DPP10: variants seen among roughly 807,000 people sequenced by gnomAD.
DPP10 encodes dipeptidyl peptidase like 10.
A neutral mutation model predicts 120.9 loss-of-function variants in DPP10; 33 were observed. The observed-to-expected ratio is 0.27, with a 90% CI of 0.21 to 0.37. The LOEUF is 0.37. DPP10 is among the 10% of genes least tolerant of loss of function. DPP10 has a pLI of 1.00. For missense variants in DPP10, 816 were observed against 942.8 expected, an observed-to-expected ratio of 0.87 and a Z score of 1.76; for synonymous variants, 337 against 326.1, an observed-to-expected ratio of 1.03 and a Z score of -0.36.
intron 1 of DPP10, among the ~76,000 whole-genome samples, chr2:115,026,877 T>C (rs1703502074): frequency 6.6e-6 from 1 of 152,210 alleles, no homozygotes; most frequent in African/African-American, 2.4e-5. Flanking sequence ...GGTATTTTGA[T>C]AGAGATTACA....
chr2:115,295,613 T>C (rs1320681518), intron 1 of DPP10, among the ~76,000 whole-genome samples: 1 of 152,120 alleles, frequency 6.6e-6, no homozygotes, highest in Non-Finnish European at 1.5e-5. Flanking sequence ...TAAATGCCTA[T>C]ATGGTACTTA....
intron 1 of DPP10, among the ~76,000 whole-genome samples, chr2:114,513,950 T>A (rs981890588): frequency 2.0e-5 from 3 of 152,182 alleles, no homozygotes; most frequent in Non-Finnish European, 4.4e-5. Flanking sequence ...TTAAGTAAAA[T>A]TGACTCTAAG....
At chr2:114,517,521 CAAAA>C (rs70937285) in intron 1 of DPP10, among the ~76,000 whole-genome samples, 2 of 123,936 alleles carry the variant, frequency 1.6e-5, no homozygotes, top group Non-Finnish European at 3.5e-5. Context: ...GACTCCGTCT[CAAAA>C]AAAAAAAAAA....
At chr2:115,193,913 T>C (rs1299773794) in intron 1 of DPP10, among the ~76,000 whole-genome samples, 1 of 152,192 alleles carries the variant, frequency 6.6e-6, no homozygotes, top group Non-Finnish European at 1.5e-5. Context: ...TGTATGGTAA[T>C]TAATTAAATC....
chr2:115,815,555 A>G, intron 20 of DPP10, 120 bp from the exon 21 acceptor site: 1 of 850,266 alleles, frequency 1.2e-6, no homozygotes. Context: ...GAACAGAGCT[A>G]CAGTTAGTAA....
intron 3 of DPP10, among the ~76,000 whole-genome samples, chr2:115,392,443 ATTT>A (rs935505478): frequency 2.7e-5 from 4 of 145,748 alleles, no homozygotes; most frequent in African/African-American, 9.8e-5. Flanking sequence ...TTACTTTTTC[ATTT>A]TTTAATTCTT....
chr2:115,698,353 G>T (rs1219350892), intron 7 of DPP10, among the ~76,000 whole-genome samples: 2 of 152,192 alleles, frequency 1.3e-5, no homozygotes, highest in Non-Finnish European at 2.9e-5. Context: ...ATGAGATGCA[G>T]CAAAAACAGT....
chr2:114,994,666 A>G (rs1700964253), intron 1 of DPP10, among the ~76,000 whole-genome samples: 1 of 152,154 alleles, frequency 6.6e-6, no homozygotes. Flanking sequence ...GCTGTCCTAG[A>G]GTTCTACTTA....
chr2:114,961,477 G>A (rs973869412), intron 1 of DPP10, among the ~76,000 whole-genome samples: 30 of 151,562 alleles, frequency 2.0e-4, no homozygotes, highest in Admixed American at 1.2e-3. Flanking sequence ...GTGTGCGCGC[G>A]CACATTTCAG....
chr2:114,817,867 A>C (rs2106345631), intron 1 of DPP10, among the ~76,000 whole-genome samples: 1 of 152,336 alleles, frequency 6.6e-6, no homozygotes, highest in Admixed American at 6.5e-5. Context: ...AGGGATTAAA[A>C]AAGCTTTTAG....
intron 2 of DPP10, among the ~76,000 whole-genome samples, chr2:115,332,080 T>G (rs1168062062): frequency 6.6e-6 from 1 of 152,136 alleles, no homozygotes; most frequent in Non-Finnish European, 1.5e-5. Flanking sequence ...GGTAAGCTAT[T>G]GATTATTGCC....
chr2:115,771,629 A>C (rs1471924894), intron 13 of DPP10, among the ~76,000 whole-genome samples: 2 of 152,020 alleles, frequency 1.3e-5, no homozygotes, highest in African/African-American at 4.8e-5. Flanking sequence ...ACAGTAATGC[A>C]TGCCAGCATT....
rs972756348 is a variant in DPP10, at chr2:115,803,841, T to C, written c.1701-10952T>C. On this transcript the variant is annotated intron_variant, in intron 19 of 25. Coordinates refer to ENST00000410059, the MANE Select transcript of DPP10 (RefSeq NM_020868.6). ...GCTTCCCTTTGTGGGTAACCCGACC[T>C]TTCTCTCTGGCTGCCCTTAACATTT... 4.4e-3 allele frequency among the ~76,000 whole-genome samples: 663 copies of C among 152,210 alleles called. 9 individuals carry two copies. Among genetic ancestry groups the C allele is most frequent in the African/African-American group, 0.015 (624 of 41,466 alleles).
intron 1 of DPP10, among the ~76,000 whole-genome samples, chr2:115,073,410 G>A (rs545032799): frequency 1.4e-4 from 21 of 152,324 alleles, no homozygotes; most frequent in Admixed American, 3.9e-4. Flanking sequence ...GTCGCTAGGC[G>A]CAGGGGGTGG....
chr2:115,422,415 A>C (rs1457878369), intron 3 of DPP10, among the ~76,000 whole-genome samples: 2 of 152,296 alleles, frequency 1.3e-5, no homozygotes, highest in East Asian at 1.9e-4. Context: ...CTGTGTGGCT[A>C]TGCCAGTAGC....
intron 1 of DPP10, among the ~76,000 whole-genome samples, chr2:114,497,062 T>TACACATACATATAC (rs1682592367): frequency 6.7e-6 from 1 of 148,954 alleles, no homozygotes; most frequent in Non-Finnish European, 1.5e-5. Context: ...CATACATATA[T>TACACATACATATAC]ACATACACAT....
chr2:115,509,433 C>G (rs2077110655), intron 4 of DPP10, among the ~76,000 whole-genome samples: 1 of 152,110 alleles, frequency 6.6e-6, no homozygotes, highest in South Asian at 2.1e-4. Context: ...ATGGGGAATT[C>G]TGGGTGAGAA....
intron 5 of DPP10, among the ~76,000 whole-genome samples, chr2:115,647,005 C>A (rs1271115068): frequency 6.6e-6 from 1 of 151,694 alleles, no homozygotes; most frequent in Non-Finnish European, 1.5e-5. Context: ...TCTATAGTAA[C>A]CATAAAAATA....
intron 1 of DPP10, among the ~76,000 whole-genome samples, chr2:114,695,007 A>G (rs1699985589): frequency 6.6e-6 from 1 of 152,064 alleles, no homozygotes; most frequent in East Asian, 1.9e-4. Context: ...GGGTCAGCTC[A>G]CGGAGGACCT....
Sources: gnomAD v4.1 joint callset for allele counts (sites outside exome capture counted in the v4.1 genomes callset) on GRCh38, gnomAD v4.1.1 for gene constraint, MANE v1.5 for transcripts, NCBI Gene and HGNC (gene_info 2026-07-23, HGNC 2026-07-21) for gene names.